Variants in CDS1 observed in about 807,000 individuals in gnomAD.
CDS1 encodes the protein CDP-diacylglycerol synthase 1.
CDS1 carries 41 observed loss-of-function variants against 62.1 expected under a neutral mutation model. The observed-to-expected ratio is 0.66, with a 90% CI of 0.51 to 0.86. The LOEUF (loss-of-function observed/expected upper bound fraction) is 0.86, where lower values mean the gene tolerates loss of function less well. Ranked by LOEUF, CDS1 falls within the 40% of genes least tolerant of loss-of-function variation. CDS1 has a pLI of 0.00. For missense variants in CDS1, 470 were observed against 550.1 expected (o/e 0.85, Z 1.46); for synonymous variants, 185 against 192.6 (o/e 0.96, Z 0.32).
chr4:84,611,708 G>C (rs960463225), intron 3 of CDS1, among the ~76,000 whole-genome samples: 1 of 152,090 alleles, frequency 6.6e-6, no homozygotes, highest in Non-Finnish European at 1.5e-5. Context: ...CTGCTAATTT[G>C]CTAAGATCTT....
intron 11 of CDS1, 56 bp downstream of exon 11, chr4:84,643,199 C>G (rs1012575375): frequency 1.3e-6 from 2 of 1,563,900 alleles, no homozygotes; most frequent in African/African-American, 2.7e-5. Context: ...AGAATGTAAC[C>G]TAGTTGGAAT....
chr4:84,613,213 A>T (rs1723382640), intron 3 of CDS1, among the ~76,000 whole-genome samples: 1 of 152,236 alleles, frequency 6.6e-6, no homozygotes, highest in South Asian at 2.1e-4. Flanking sequence ...TCCTATTCTT[A>T]ACTAGATCAT....
At position 84,604,404 on chromosome 4, in the gene CDS1, C is replaced by T. The variant is rs115350013; in HGVS notation, c.245+34C>T. 1.6e-3 allele frequency: 2,584 copies of T among 1,597,074 alleles called. 46 individuals are homozygous for T. The African/African-American group carries it at 0.031, about 19-fold the overall frequency. ...GGATGAAGATGAGTATATCTTAGTG[C>T]ACAAGATAGGCTTTGAGGTTATCCT... On this transcript the variant is annotated intron_variant, in intron 2 of 12. Coordinates refer to ENST00000295887, the MANE Select transcript of CDS1 (RefSeq NM_001263.4).
chr4:84,596,212 G>A (rs1020852251), intron 1 of CDS1, among the ~76,000 whole-genome samples: 3 of 152,304 alleles, frequency 2.0e-5, no homozygotes, highest in African/African-American at 2.4e-5. Context: ...GCGAAGAGTT[G>A]CACAAAATGG....
intron 6 of CDS1, among the ~76,000 whole-genome samples, chr4:84,632,742 A>T (rs1226396824): frequency 6.6e-6 from 1 of 152,222 alleles, no homozygotes; most frequent in Non-Finnish European, 1.5e-5. Flanking sequence ...AGTAAAAGAG[A>T]ATTGGATCTT....
intron 3 of CDS1, among the ~76,000 whole-genome samples, chr4:84,610,149 C>T (rs934969591): frequency 9.9e-5 from 15 of 151,924 alleles, no homozygotes; most frequent in African/African-American, 2.2e-4. Flanking sequence ...GATAAATAAG[C>T]GAGATAAGTT....
chr4:84,623,579 C>T (rs1440403980), intron 5 of CDS1, among the ~76,000 whole-genome samples: 1 of 152,150 alleles, frequency 6.6e-6, no homozygotes, highest in African/African-American at 2.4e-5. Context: ...TCAGTTTTCT[C>T]TGTTCTTGTG....
chr4:84,646,857 AAGAG>A (rs1393487620), intron 12 of CDS1, among the ~76,000 whole-genome samples: 3 of 152,198 alleles, frequency 2.0e-5, no homozygotes, highest in African/African-American at 7.2e-5. Flanking sequence ...ATCAGTTACT[AAGAG>A]AGCTTTGTTA....
chr4:84,607,662 A>G (rs372378613), intron 2 of CDS1, among the ~76,000 whole-genome samples: 2 of 152,148 alleles, frequency 1.3e-5, no homozygotes, highest in East Asian at 1.9e-4. Flanking sequence ...TTGGGAGGCC[A>G]AGGCAGGAGG....
chr4:84,588,890 T>C (rs1301996096), intron 1 of CDS1, among the ~76,000 whole-genome samples: 1 of 152,198 alleles, frequency 6.6e-6, no homozygotes, highest in East Asian at 1.9e-4. Flanking sequence ...CCTCTCATAA[T>C]CCTAAACTTG....
chr4:84,635,032 C>CT (rs372919310), intron 7 of CDS1, among the ~76,000 whole-genome samples: 10 of 149,494 alleles, frequency 6.7e-5, no homozygotes, highest in African/African-American at 2.2e-4. Context: ...TAATATTTTC[C>CT]TAGCATGCTA....
intron 3 of CDS1, among the ~76,000 whole-genome samples, chr4:84,609,812 G>T (rs1723260464): frequency 6.6e-6 from 1 of 152,086 alleles, no homozygotes; most frequent in Non-Finnish European, 1.5e-5. Context: ...GATATGACAT[G>T]AGCCTGGGCA....
At chr4:84,613,913 A>C (rs1723410260) in intron 3 of CDS1, among the ~76,000 whole-genome samples, 1 of 152,152 alleles carries the variant, frequency 6.6e-6, no homozygotes, top group Non-Finnish European at 1.5e-5. Flanking sequence ...CTATTATGAG[A>C]GTTGTATACG....
At chr4:84,643,235 G>A in intron 11 of CDS1, 92 bp downstream of exon 11, 2 of 1,210,464 alleles carry the variant, frequency 1.7e-6, no homozygotes, top group Non-Finnish European at 1.2e-6. Context: ...TCTACATTAA[G>A]CCCCTAGGCC....
chr4:84,648,794 T>C lies in CDS1; in HGVS notation c.*108T>C, dbSNP rs1216595836. 1.9e-5 allele frequency: 20 copies of C among 1,064,788 alleles called. No homozygotes were observed. The highest frequency in any genetic ancestry group is 2.2e-4 in the Middle Eastern group (1 of 4,648). 66.0% of individuals were successfully genotyped at this position (1,064,788 alleles called of 1,614,324 possible). On this transcript the variant is annotated 3_prime_UTR_variant, in exon 13 of 13. Transcript: ENST00000295887. ...TAGTTAAAAATGCAATAGGTTGAAG[T>C]TTTGGAGATATGTTTCTCTCTGAAA...
At chr4:84,606,087 A>G (rs1465791201) in intron 2 of CDS1, among the ~76,000 whole-genome samples, 1 of 152,214 alleles carries the variant, frequency 6.6e-6, no homozygotes, top group Non-Finnish European at 1.5e-5. Flanking sequence ...AATGTTTTAC[A>G]TGTAATCTGT....
In CDS1 at chr4:84,648,805, T is replaced by C; in HGVS notation, c.*119T>C. The C allele has an allele frequency of 4.3e-6, 4 of 927,080 alleles. No individual in the cohort carries two copies. The highest frequency in any genetic ancestry group is 1.7e-5 in the African/African-American group (1 of 59,858). The allele number at this position is 927,080 out of a possible 1,614,324, so 57.4% of individuals were successfully genotyped here. On this transcript the variant is annotated 3_prime_UTR_variant, in exon 13 of 13. Coordinates refer to ENST00000295887, the MANE Select transcript of CDS1 (RefSeq NM_001263.4). ...GCAATAGGTTGAAGTTTTGGAGATATGTTTCTCTCTGAAATTACTGTGAAT... is the reference window on the plus strand; with the variant it reads ...GCAATAGGTTGAAGTTTTGGAGATACGTTTCTCTCTGAAATTACTGTGAAT...
chr4:84,605,476 T>G (rs1723066734), intron 2 of CDS1, among the ~76,000 whole-genome samples: 1 of 152,162 alleles, frequency 6.6e-6, no homozygotes, highest in South Asian at 2.1e-4. Flanking sequence ...ATAACCATAT[T>G]AGAATATATT....
At chr4:84,599,405 C>CATATATATATATATATATAT (rs59313355) in intron 1 of CDS1, among the ~76,000 whole-genome samples, 1 of 24,706 alleles carries the variant, frequency 4.0e-5, no homozygotes, top group African/African-American at 1.3e-4. Context: ...CACACACACA[C>CATATATATATATATATATAT]ATATATATAT....
Sources: gnomAD v4.1 joint callset for allele counts (sites outside exome capture counted in the v4.1 genomes callset) on GRCh38, gnomAD v4.1.1 for gene constraint, MANE v1.5 for transcripts, NCBI Gene and HGNC (gene_info 2026-07-23, HGNC 2026-07-21) for gene names.